Variants in C1QTNF8 observed in about 807,000 individuals in gnomAD.
The protein encoded by C1QTNF8 is C1q and TNF related 8, also known as complement C1q tumor necrosis factor-related protein 8.
In C1QTNF8, 27 loss-of-function variants were observed where a neutral mutation model predicts 19.2. That is an observed-to-expected ratio of 1.41 (90% confidence interval 1.04 to 1.94). C1QTNF8 has a LOEUF of 1.94. Among genes scored for constraint, C1QTNF8 ranks in the 30% most tolerant of loss-of-function variants. C1QTNF8 has a pLI of 0.00. For synonymous variants in C1QTNF8, 208 were observed against 172.8 expected (o/e 1.20, Z -1.60); for missense variants, 484 against 374.4 (o/e 1.29, Z -2.42).
At chr16:1,095,329 G>A (rs748356341) in intron 2 of C1QTNF8, among the ~76,000 whole-genome samples, 40 of 152,186 alleles carry the variant, frequency 2.6e-4, no homozygotes, top group Non-Finnish European at 4.3e-4. Context: ...GTCTGCTCCA[G>A]GGAAAGGCCC....
chr16:1,095,044 G>C (rs562089829), intron 2 of C1QTNF8, 111 bp from the exon 3 acceptor site: 4 of 454,652 alleles, frequency 8.8e-6, no homozygotes, highest in Non-Finnish European at 1.5e-5. Context: ...CAGTGGAGGC[G>C]GGAGCTTCTG....
Position 1,094,886 on chromosome 16 carries a change from G to A in C1QTNF8, c.37C>T (p.Leu13=). Residue 13 remains leucine, a synonymous_variant, in exon 3 of 5, where the codon CTG becomes TTG. Coordinates refer to ENST00000328449, the MANE Select transcript of C1QTNF8 (RefSeq NM_207419.3). The part of the protein sequence containing the change: ...APALLLLALL[L]PVGAWPGLPR... ...AGCCCGGGCCAGGCCCCCACGGGCAGCAGCAGTGCTAGGAGCAGCAGGGCG... is the reference window on the plus strand; with the variant it reads ...AGCCCGGGCCAGGCCCCCACGGGCAACAGCAGTGCTAGGAGCAGCAGGGCG... 7.2e-7 allele frequency: 1 copy of A among 1,389,770 alleles called. No individual in the cohort carries two copies. The highest frequency in any genetic ancestry group is 1.8e-5 in the South Asian group (1 of 55,012). 86.1% of individuals were successfully genotyped at this position (1,389,770 alleles called of 1,614,324 possible). A position where few individuals can be genotyped will look rare whatever the true frequency, so the allele number is the denominator to read the frequency against.
At chr16:1,093,390 CCACACCCACCCACACACA>C (rs1216445002) in intron 4 of C1QTNF8, 89 bp downstream of exon 4, 1 of 476,342 alleles carries the variant, frequency 2.1e-6, no homozygotes, top group African/African-American at 2.4e-5. Context: ...CCCACCACAC[CCACACCCACCCACACACA>C]CACACCCACA....
At chr16:1,093,369 TGCC>T in intron 4 of C1QTNF8, 125 bp downstream of exon 4, 1 of 519,750 alleles carries the variant, frequency 1.9e-6, no homozygotes, top group Non-Finnish European at 3.4e-6. Flanking sequence ...GAAGCTCCGC[TGCC>T]CGCCCACCCC....
In C1QTNF8 at chr16:1,089,666, T is replaced by G. The variant is rs1363740990; in HGVS notation, c.*933A>C. On this transcript the variant is annotated 3_prime_UTR_variant, in exon 5 of 5. Coordinates refer to ENST00000328449, the MANE Select transcript of C1QTNF8 (RefSeq NM_207419.3). ...TGAGTGAGCACAAGGCTCCCCAGAG[T>G]GCTGACCAGGCGCCCTGCTGCTGCA... 6.6e-6 allele frequency among the ~76,000 whole-genome samples: 1 copy of G among 152,006 alleles called. No homozygotes were observed. Among genetic ancestry groups the G allele is most frequent in the Non-Finnish European group, 1.5e-5 (1 of 67,980 alleles).
chr16:1,094,555 G>C, intron 3 of C1QTNF8, 160 bp downstream of exon 3: 1 of 516,016 alleles, frequency 1.9e-6, no homozygotes, highest in South Asian at 3.5e-5. Context: ...CTGCTTGCGG[G>C]GGGAGCCCAG....
At position 1,093,763 on chromosome 16, in the gene C1QTNF8, A is replaced by G. The variant is rs752564926; in HGVS notation, c.497T>C (p.Leu166Pro). ...FLCTVPGVYF[L>P]SLNVHTWNYK... ...GTTCCAGGTGTGCACGTTGAGGCTGAGGAAGTAGACGCCGGGCACCGTGCA... is the reference window on the plus strand; with the variant it reads ...GTTCCAGGTGTGCACGTTGAGGCTGGGGAAGTAGACGCCGGGCACCGTGCA... Residue 166 changes from leucine (L) to proline (P), a missense_variant, in exon 4 of 5, where the codon CTC becomes CCC. Physicochemically the swap from Leu to Pro is moderately conservative, Grantham distance 98 (BLOSUM62 -3). Transcript: ENST00000328449. 21 of 1,612,076 alleles carry G rather than the reference A, an allele frequency of 1.3e-5. No individual in the cohort carries two copies. Among genetic ancestry groups the G allele is most frequent in the Non-Finnish European group, 1.8e-5 (21 of 1,179,700 alleles).
At chr16:1,093,473 G>A (rs1960606329) in intron 4 of C1QTNF8, 24 bp downstream of exon 4, 1 of 1,438,374 alleles carries the variant, frequency 7.0e-7, no homozygotes, top group Non-Finnish European at 9.1e-7. Context: ...CGCGCGCCCG[G>A]TGCTCAGCCG....
rs1438879798 is a variant in C1QTNF8, at chr16:1,094,734, T to C, written c.189A>G (p.Ile63Met). The change falls in exon 3 of 5, where the codon ATA becomes ATG. Residue 63 changes from isoleucine (I) to methionine (M), a missense_variant. Coordinates refer to ENST00000328449, the MANE Select transcript of C1QTNF8 (RefSeq NM_207419.3). ...CCTCACCTTTGAGGATTTCGATGTCTATAGTGGGCCGTACTCGAGGCAGCC... is the reference window on the plus strand; with the variant it reads ...CCTCACCTTTGAGGATTTCGATGTCCATAGTGGGCCGTACTCGAGGCAGCC... ...WRGLPRVRPT[I>M]DIEILKGEKG... 18 of 1,581,708 alleles carry C rather than the reference T, an allele frequency of 1.1e-5. No homozygotes were observed. Among genetic ancestry groups the C allele is most frequent in the Non-Finnish European group, 1.5e-5 (18 of 1,165,864 alleles).
At position 1,093,456 on chromosome 16, in the gene C1QTNF8, A is replaced by ACACACGCGCGCGCG. The variant is rs1555492668; in HGVS notation, c.*4+40_*4+41insCGCGCGCGCGTGTG. 15 of 1,159,852 alleles carry ACACACGCGCGCGCG rather than the reference A, an allele frequency of 1.3e-5. No individual in the cohort carries two copies. In the African/African-American group the frequency reaches 2.5e-4, roughly 19 times the overall value. The allele number at this position is 1,159,852 out of a possible 1,614,324, so 71.8% of individuals were successfully genotyped here. ...CACACACACACAGACACACACACAC[A>ACACACGCGCGCGCG]CGCGCGCGCGCGCCCGGTGCTCAGC... On this transcript the variant is annotated intron_variant, in intron 4 of 4. Coordinates refer to ENST00000328449, the MANE Select transcript of C1QTNF8 (RefSeq NM_207419.3).
intron 4 of C1QTNF8, among the ~76,000 whole-genome samples, chr16:1,092,317 G>A (rs1313553258): frequency 4.6e-5 from 7 of 151,862 alleles, no homozygotes; most frequent in African/African-American, 1.7e-4. Flanking sequence ...GCACACAGTC[G>A]GCGCTCAATC....
rs1034298325 is a variant in C1QTNF8 at position 1,089,621 on chromosome 16, G to A, written c.*978C>T. ...TGGCTCTGCCTGCGTGGCACTGGGTGTCCTCACTTGGGAACGGGCTGAGTG... is the reference window on the plus strand; with the variant it reads ...TGGCTCTGCCTGCGTGGCACTGGGTATCCTCACTTGGGAACGGGCTGAGTG... On this transcript the variant is annotated 3_prime_UTR_variant, in exon 5 of 5. Transcript: ENST00000328449. Among the ~76,000 whole-genome samples the A allele has an allele frequency of 9.8e-5, 15 of 152,336 alleles. No homozygotes were observed. The highest frequency in any genetic ancestry group is 7.2e-4 in the Admixed American group (11 of 15,310).
chr16:1,096,140 C>G lies in C1QTNF8; in HGVS notation c.-186+16G>C, dbSNP rs1194102764. On this transcript the variant is annotated intron_variant, in intron 1 of 4. Coordinates refer to ENST00000328449, the MANE Select transcript of C1QTNF8 (RefSeq NM_207419.3). ...GGCCCTGTGCTTCCTGTTACCGTCTCAGGGATGCTCCCTGCCTGGCCGGCC... is the reference window on the plus strand; with the variant it reads ...GGCCCTGTGCTTCCTGTTACCGTCTGAGGGATGCTCCCTGCCTGGCCGGCC... 1.3e-5 allele frequency: 2 copies of G among 152,330 alleles called. No homozygotes were observed. The highest frequency in any genetic ancestry group is 2.9e-5 in the Non-Finnish European group (2 of 68,096). The allele number at this position is 152,330 out of a possible 1,614,324, so 9.4% of individuals were successfully genotyped here. A position where few individuals can be genotyped will look rare whatever the true frequency, so the allele number is the denominator to read the frequency against.
intron 2 of C1QTNF8, among the ~76,000 whole-genome samples, 185 bp downstream of exon 2, chr16:1,095,430 G>A (rs1960666137): frequency 6.6e-6 from 1 of 152,188 alleles, no homozygotes; most frequent in Non-Finnish European, 1.5e-5. Context: ...GGAGCCCCCA[G>A]GGCAGGGCCT....
rs920670943 is a variant in C1QTNF8, at chr16:1,089,135, G to T, written c.*1464C>A. Reference sequence around the variant, plus strand: ...AAGGAACGGTTGTCTGGGATTCTGGGGTGCTTCCCCAGCACAGAACAGGCA... The same window carrying T: ...AAGGAACGGTTGTCTGGGATTCTGGTGTGCTTCCCCAGCACAGAACAGGCA... On this transcript the variant is annotated 3_prime_UTR_variant, in exon 5 of 5. Coordinates refer to ENST00000328449, the MANE Select transcript of C1QTNF8 (RefSeq NM_207419.3). 4.1e-4 allele frequency among the ~76,000 whole-genome samples: 63 copies of T among 152,134 alleles called. No homozygotes were observed. The highest frequency in any genetic ancestry group is 3.9e-3 in the Admixed American group (60 of 15,282).
In C1QTNF8 at chr16:1,088,459, C is replaced by T. The variant is rs1960479643; in HGVS notation, c.*2140G>A. Among the ~76,000 whole-genome samples, 3 of 152,200 alleles carry T rather than the reference C, an allele frequency of 2.0e-5. No homozygotes were observed. Among genetic ancestry groups the T allele is most frequent in the Non-Finnish European group, 2.9e-5 (2 of 68,030 alleles). ...TGGCTCCCCCTTGTCTCCTAAGTGG[C>T]CAGGGCAGCACGAGGCTGTCGCTGC... On this transcript the variant is annotated 3_prime_UTR_variant, in exon 5 of 5. Transcript: ENST00000328449.
intron 4 of C1QTNF8, among the ~76,000 whole-genome samples, chr16:1,093,096 C>G (rs1960588879): frequency 2.1e-5 from 3 of 144,186 alleles, no homozygotes. Context: ...TCACAGCACA[C>G]AGTCGGCGCT....
In C1QTNF8 at chr16:1,094,815, AG is replaced by A; in HGVS notation, c.107del (p.Pro36LeufsTer7). 3.3e-6 allele frequency: 5 copies of A among 1,496,174 alleles called. No homozygotes were observed. The highest frequency in any genetic ancestry group is 2.2e-5 in the Admixed American group (1 of 45,326). 92.7% of individuals were successfully genotyped at this position (1,496,174 alleles called of 1,614,324 possible). ...CVHCCRPAWP[P>X]GPYARVSDRD... ...TGTCACTCACCCGGGCATAGGGTCC[AG>A]GGGGCCAGGCCGGGCGGCAGCAGTG... On this transcript the variant is annotated frameshift_variant, in exon 3 of 5. Transcript: ENST00000328449. LOFTEE classifies it high-confidence loss of function.
At chr16:1,091,588 A>G (rs1012239300) in intron 4 of C1QTNF8, among the ~76,000 whole-genome samples, 8 of 151,846 alleles carry the variant, frequency 5.3e-5, no homozygotes, top group African/African-American at 1.9e-4. Context: ...ACCCACCCAC[A>G]CTCCCAAATG....
Sources: allele counts gnomAD v4.1 joint callset (sites outside exome capture counted in the v4.1 genomes callset), GRCh38; gene constraint gnomAD v4.1.1; transcripts MANE v1.5; gene names NCBI Gene and HGNC (gene_info 2026-07-23, HGNC 2026-07-21).